Variants in YAF2 observed in about 807,000 individuals in gnomAD.
YAF2 encodes the protein YY1-associated factor 2.
Under a neutral mutation model 20.1 loss-of-function variants are expected in YAF2, and 7 were observed. The observed-to-expected ratio is 0.35, with a 90% confidence interval of 0.20 to 0.65. The LOEUF (loss-of-function observed/expected upper bound fraction) is 0.65. Among genes scored for constraint, YAF2 ranks in the 30% least tolerant of loss-of-function variants. The pLI is 0.69. For missense variants in YAF2, 151 were observed against 219.2 expected (o/e 0.69, Z 1.96); for synonymous variants, 74 against 76.0 (o/e 0.97, Z 0.14).
In YAF2 at chr12:42,237,809, C is replaced by T; in HGVS notation, c.27-85G>A. 4.8e-6 allele frequency: 5 copies of T among 1,033,618 alleles called. No individual in the cohort carries two copies. In the South Asian group the frequency reaches 2.2e-4, roughly 46 times the overall value. The allele number at this position is 1,033,618 out of a possible 1,614,324, so 64.0% of individuals were successfully genotyped here. On this transcript the variant is annotated intron_variant, in intron 1 of 3. Transcript: ENST00000534854. Reference sequence around the variant, plus strand: ...CCCGGGCCCCGCGGCCGCCCCCGCCCCGCCCCCCGCCCCAATTCTGCGACC... The same window carrying T: ...CCCGGGCCCCGCGGCCGCCCCCGCCTCGCCCCCCGCCCCAATTCTGCGACC...
chr12:42,190,083 C>A (rs1446398267), intron 2 of YAF2, among the ~76,000 whole-genome samples: 1 of 152,198 alleles, frequency 6.6e-6, no homozygotes, highest in East Asian at 1.9e-4. Flanking sequence ...TGGCTTACGT[C>A]TGTAATCCCA....
chr12:42,187,200 A>G (rs1326578033), intron 2 of YAF2, among the ~76,000 whole-genome samples: 1 of 152,148 alleles, frequency 6.6e-6, no homozygotes, highest in Non-Finnish European at 1.5e-5. Context: ...TGTGTCACCC[A>G]GGCTGGAGTG....
intron 2 of YAF2, among the ~76,000 whole-genome samples, chr12:42,168,142 C>T (rs969831215): frequency 6.6e-6 from 1 of 151,872 alleles, no homozygotes; most frequent in Non-Finnish European, 1.5e-5. Context: ...ACAAACTTTC[C>T]CATCACGTCT....
chr12:42,177,717 G>A (rs955045191), intron 2 of YAF2, among the ~76,000 whole-genome samples: 1 of 152,082 alleles, frequency 6.6e-6, no homozygotes, highest in African/African-American at 2.4e-5. Flanking sequence ...CTGTTCCTCT[G>A]CCCACTCACT....
chr12:42,169,710 G>A (rs1002643693), intron 2 of YAF2, among the ~76,000 whole-genome samples: 2 of 152,084 alleles, frequency 1.3e-5, no homozygotes, highest in African/African-American at 4.8e-5. Flanking sequence ...ACCGTGCCCA[G>A]CCAACTTCTT....
chr12:42,185,876 C>T (rs1416153060), intron 2 of YAF2, among the ~76,000 whole-genome samples: 1 of 152,102 alleles, frequency 6.6e-6, no homozygotes, highest in Non-Finnish European at 1.5e-5. Flanking sequence ...ATATAGGGCA[C>T]AATACAATAA....
At chr12:42,173,038 GAGAGAGAGAC>G (rs1440214436) in intron 2 of YAF2, among the ~76,000 whole-genome samples, 1 of 152,074 alleles carries the variant, frequency 6.6e-6, no homozygotes, top group Non-Finnish European at 1.5e-5. Context: ...ATGAGAGAGG[GAGAGAGAGAC>G]AGAGAGAGAG....
At chr12:42,197,601 G>A (rs569598104) in intron 2 of YAF2, among the ~76,000 whole-genome samples, 2 of 152,310 alleles carry the variant, frequency 1.3e-5, no homozygotes, top group African/African-American at 4.8e-5. Context: ...GTGAGATTCC[G>A]CTGGAATAGA....
intron 2 of YAF2, among the ~76,000 whole-genome samples, chr12:42,227,992 T>C (rs1198323479): frequency 2.2e-3 from 219 of 98,100 alleles, no homozygotes; most frequent in African/African-American, 2.7e-3. Context: ...GCCCCCCGCC[T>C]GGCCAGCCGC....
rs116507825 is a variant in YAF2 at position 42,210,236 on chromosome 12, T to C, written c.152+27363A>G. The C allele has an allele frequency of 3.9e-3, 1,954 of 501,660 alleles. 33 individuals carry two copies. Among genetic ancestry groups the C allele is most frequent in the African/African-American group, 0.035 (1,796 of 51,592 alleles). The allele number at this position is 501,660 out of a possible 1,614,324, so 31.1% of individuals were successfully genotyped here. On this transcript the variant is annotated intron_variant, in intron 2 of 3. Coordinates refer to ENST00000534854, the MANE Select transcript of YAF2 (RefSeq NM_005748.6). The stretch of plus-strand genomic sequence containing the variant: ...AATAATTTCCATAATCCATATCAAA[T>C]GTACAAAAAGAAGCTATCCCAAGTA...
chr12:42,205,378 CTT>C (rs572839071), intron 2 of YAF2, among the ~76,000 whole-genome samples: 10 of 140,620 alleles, frequency 7.1e-5, no homozygotes, highest in Admixed American at 2.1e-4. Context: ...TGCTTCTTCT[CTT>C]TTTTTTTTTT....
chr12:42,181,891 T>G (rs1005272664), intron 2 of YAF2, among the ~76,000 whole-genome samples: 3 of 149,382 alleles, frequency 2.0e-5, no homozygotes, highest in Non-Finnish European at 4.4e-5. Flanking sequence ...TTTTAACAGT[T>G]TTTTACATTT....
At chr12:42,170,369 T>C (rs1455875553) in intron 2 of YAF2, among the ~76,000 whole-genome samples, 1 of 152,204 alleles carries the variant, frequency 6.6e-6, no homozygotes, top group Non-Finnish European at 1.5e-5. Context: ...TTTCCCTTTT[T>C]AAAATAATAA....
At chr12:42,205,407 G>A (rs1178467601) in intron 2 of YAF2, among the ~76,000 whole-genome samples, 1 of 146,208 alleles carries the variant, frequency 6.8e-6, no homozygotes, top group African/African-American at 2.5e-5. Context: ...ACGGAGTCTC[G>A]CTCTGTCACC....
intron 3 of YAF2, 143 bp downstream of exon 3, chr12:42,161,470 A>C: frequency 1.2e-6 from 1 of 865,748 alleles, no homozygotes; most frequent in Non-Finnish European, 1.6e-6. Flanking sequence ...TATCTTTCAA[A>C]CTCAGTAAAA....
intron 2 of YAF2, among the ~76,000 whole-genome samples, chr12:42,206,625 T>G (rs1008646706): frequency 6.7e-6 from 1 of 149,710 alleles, no homozygotes; most frequent in African/African-American, 2.5e-5. Flanking sequence ...AAAAAAAAAG[T>G]AACTGAAATT....
chr12:42,235,604 G>C (rs2068125100), intron 2 of YAF2: 1 of 1,466,730 alleles, frequency 6.8e-7, no homozygotes, highest in Non-Finnish European at 8.9e-7. Flanking sequence ...TCGTGGTGTA[G>C]AACACTTACT....
chr12:42,202,027 T>A (rs985814783), intron 2 of YAF2, among the ~76,000 whole-genome samples: 2 of 152,220 alleles, frequency 1.3e-5, no homozygotes, highest in African/African-American at 4.8e-5. Context: ...ATCCTCTTTT[T>A]AAAAAAGTTT....
chr12:42,175,497 T>C (rs567523417), intron 2 of YAF2, among the ~76,000 whole-genome samples: 1 of 150,718 alleles, frequency 6.6e-6, no homozygotes, highest in Non-Finnish European at 1.5e-5. Flanking sequence ...ACATATTGCA[T>C]GTTTTATGTG....
Sources: allele counts gnomAD v4.1 joint callset (sites outside exome capture counted in the v4.1 genomes callset), GRCh38; gene constraint gnomAD v4.1.1; transcripts MANE v1.5; gene names NCBI Gene and HGNC (gene_info 2026-07-23, HGNC 2026-07-21).